Variants in SMIM31 observed in about 807,000 individuals in gnomAD.
The protein encoded by SMIM31 is human epithelial cell program regulator.
At position 164,802,035 on chromosome 4, in the gene SMIM31, C is replaced by G. The variant is rs970940970; in HGVS notation, c.*841C>G. Reference sequence around the variant, plus strand: ...GATCACGAGGTCAGGAGATTGAGACCATCCTAGCTAACACAGTGAAACCCC... The same window carrying G: ...GATCACGAGGTCAGGAGATTGAGACGATCCTAGCTAACACAGTGAAACCCC... On this transcript the variant is annotated 3_prime_UTR_variant, in exon 3 of 3. Transcript: ENST00000507311. The G allele has an allele frequency of 4.0e-5, 6 of 151,876 alleles. No individual in the cohort carries two copies. The highest frequency in any genetic ancestry group is 1.5e-4 in the African/African-American group (6 of 41,282). The allele number at this position is 151,876 out of a possible 1,614,324, so 9.4% of individuals were successfully genotyped here. A position where few individuals can be genotyped will look rare whatever the true frequency, so the allele number is the denominator to read the frequency against.
intron 1 of SMIM31, 140 bp downstream of exon 1, chr4:164,754,551 A>AGTTTT (rs1732529476): frequency 1.8e-5 from 1 of 55,620 alleles, no homozygotes; most frequent in African/African-American, 8.0e-5. Context: ...TCCTGGAGGT[A>AGTTTT]TTTTTTTTTT....
At chr4:164,781,202 A>G (rs554753979) in intron 2 of SMIM31, among the ~76,000 whole-genome samples, 7 of 152,246 alleles carry the variant, frequency 4.6e-5, no homozygotes, top group African/African-American at 1.4e-4. Context: ...TGGAATTCTC[A>G]TATGTTGCTG....
chr4:164,776,145 C>T (rs1732877637), intron 2 of SMIM31, among the ~76,000 whole-genome samples: 1 of 152,152 alleles, frequency 6.6e-6, no homozygotes. Context: ...TTGAATCTTA[C>T]TTATTCTTCA....
At chr4:164,761,656 C>T (rs1461821219) in intron 1 of SMIM31, among the ~76,000 whole-genome samples, 4 of 151,988 alleles carry the variant, frequency 2.6e-5, no homozygotes, top group Admixed American at 1.3e-4. Context: ...CTGTGGCTCA[C>T]GCCTGCAATC....
chr4:164,799,755 A>G (rs1487961684), intron 2 of SMIM31, among the ~76,000 whole-genome samples: 4 of 152,216 alleles, frequency 2.6e-5, no homozygotes, highest in Non-Finnish European at 5.9e-5. Context: ...ACCATCACAA[A>G]ACGCAGTGAT....
At chr4:164,774,035 G>A (rs910951855) in intron 2 of SMIM31, among the ~76,000 whole-genome samples, 7 of 150,542 alleles carry the variant, frequency 4.6e-5, no homozygotes, top group South Asian at 2.1e-4. Flanking sequence ...GCGTGGTGGC[G>A]GGCCCCTGCA....
intron 1 of SMIM31, among the ~76,000 whole-genome samples, chr4:164,766,991 T>G (rs1732728865): frequency 6.6e-6 from 1 of 152,000 alleles, no homozygotes; most frequent in Admixed American, 6.5e-5. Context: ...CAGGATGAGC[T>G]TAGCAGGGCA....
intron 1 of SMIM31, among the ~76,000 whole-genome samples, chr4:164,766,026 G>A (rs17622319): frequency 0.037 from 5,697 of 152,204 alleles, 199 homozygotes; most frequent in East Asian, 0.16. Context: ...CAAGGGAGCC[G>A]CGAGAGAATG....
intron 2 of SMIM31, among the ~76,000 whole-genome samples, chr4:164,794,576 G>A (rs1733162988): frequency 6.6e-6 from 1 of 152,154 alleles, no homozygotes; most frequent in Admixed American, 6.5e-5. Flanking sequence ...GGAGGCCAAG[G>A]CGGGTGGATC....
At chr4:164,758,801 A>ATTTT (rs35632469) in intron 1 of SMIM31, among the ~76,000 whole-genome samples, 39 of 60,912 alleles carry the variant, frequency 6.4e-4, no homozygotes, top group Middle Eastern at 0.019. Flanking sequence ...GCCCGGCCAA[A>ATTTT]TTTTTTTTTT....
At chr4:164,789,150 T>A (rs1733068120) in intron 2 of SMIM31, among the ~76,000 whole-genome samples, 1 of 152,178 alleles carries the variant, frequency 6.6e-6, no homozygotes, top group Admixed American at 6.5e-5. Context: ...GAATAATTAT[T>A]ATATGGAGTT....
chr4:164,755,794 A>T (rs549000102), intron 1 of SMIM31, among the ~76,000 whole-genome samples: 1 of 152,216 alleles, frequency 6.6e-6, no homozygotes, highest in South Asian at 2.1e-4. Context: ...TCAACAATTT[A>T]AAAAATTCTT....
intron 2 of SMIM31, among the ~76,000 whole-genome samples, chr4:164,791,735 G>C (rs1437839617): frequency 6.6e-6 from 1 of 152,090 alleles, no homozygotes; most frequent in Non-Finnish European, 1.5e-5. Flanking sequence ...GGTACAAGTG[G>C]TTTTTAGTTA....
intron 1 of SMIM31, among the ~76,000 whole-genome samples, chr4:164,760,452 C>A (rs970043444): frequency 6.6e-6 from 1 of 151,800 alleles, no homozygotes; most frequent in Non-Finnish European, 1.5e-5. Flanking sequence ...CAATAGGGGC[C>A]AGGCCTGGTG....
Position 164,801,539 on chromosome 4 carries a change from AT to A in SMIM31, c.*348del. The stretch of plus-strand genomic sequence containing the variant: ...GGTAAGATAAACAAACAAACAAAAA[AT>A]TTAATCACTTTTTTTGGTCCTGCGA... On this transcript the variant is annotated 3_prime_UTR_variant, in exon 3 of 3. Coordinates refer to ENST00000507311, the MANE Select transcript of SMIM31 (RefSeq NM_001352885.1). The A allele has an allele frequency of 5.8e-6, 1 of 172,342 alleles. No homozygotes were observed. The highest frequency in any genetic ancestry group is 1.2e-5 in the Non-Finnish European group (1 of 81,530). 10.7% of individuals were successfully genotyped at this position (172,342 alleles called of 1,614,324 possible).
chr4:164,783,022 A>C (rs1264131195), intron 2 of SMIM31, among the ~76,000 whole-genome samples: 1 of 151,600 alleles, frequency 6.6e-6, no homozygotes, highest in Non-Finnish European at 1.5e-5. Context: ...GTTCGAGACC[A>C]GCCTGGCCGA....
At chr4:164,792,558 C>T (rs1733116427) in intron 2 of SMIM31, among the ~76,000 whole-genome samples, 1 of 152,090 alleles carries the variant, frequency 6.6e-6, no homozygotes. Context: ...AATTTTATAG[C>T]ATTTCAAAGT....
intron 1 of SMIM31, among the ~76,000 whole-genome samples, chr4:164,764,924 A>T (rs1732700764): frequency 6.6e-6 from 1 of 152,212 alleles, no homozygotes; most frequent in African/African-American, 2.4e-5. Context: ...GAGCAGGGTT[A>T]TCCAGAGATT....
intron 2 of SMIM31, among the ~76,000 whole-genome samples, chr4:164,773,878 A>G (rs992315868): frequency 1.3e-5 from 2 of 152,184 alleles, no homozygotes; most frequent in African/African-American, 4.8e-5. Flanking sequence ...AATAAGATTC[A>G]TCATCTGGCT....
Sources: allele counts gnomAD v4.1 joint callset (sites outside exome capture counted in the v4.1 genomes callset), GRCh38; gene constraint gnomAD v4.1.1; transcripts MANE v1.5; gene names NCBI Gene and HGNC (gene_info 2026-07-23, HGNC 2026-07-21).